SUMF1: variants seen among roughly 807,000 people sequenced by gnomAD.
SUMF1 encodes the protein formylglycine-generating enzyme.
A neutral mutation model predicts 47.6 loss-of-function variants in SUMF1; 48 were observed. The ratio of observed to expected loss-of-function variants is 1.01; its 90% CI spans 0.80 to 1.28. The LOEUF is 1.28. Ranked by LOEUF, SUMF1 falls within the 50% of genes most tolerant of loss-of-function variation. The probability of loss-of-function intolerance (pLI) is 0.00; values close to 1 mark genes in which losing one functional copy is unlikely to be tolerated. For missense variants in SUMF1, 571 were observed against 485.4 expected, an observed-to-expected ratio of 1.18 and a Z score of -1.66; for synonymous variants, 230 against 192.1, an observed-to-expected ratio of 1.20 and a Z score of -1.63.
chr3:4,222,309 C>T (rs756672429), intron 8 of SUMF1, among the ~76,000 whole-genome samples: 9 of 152,036 alleles, frequency 5.9e-5, no homozygotes, highest in Non-Finnish European at 1.2e-4. Context: ...ATACTGTGAT[C>T]ACCTGATCTT....
chr3:4,221,170 A>T (rs191042244), intron 8 of SUMF1, among the ~76,000 whole-genome samples: 2 of 152,044 alleles, frequency 1.3e-5, no homozygotes, highest in Non-Finnish European at 2.9e-5. Context: ...CACCTCTTTC[A>T]TCCTCCTACC....
chr3:4,194,496 G>A (rs561027120), intron 8 of SUMF1, among the ~76,000 whole-genome samples: 21 of 152,254 alleles, frequency 1.4e-4, no homozygotes, highest in African/African-American at 2.6e-4. Flanking sequence ...AAAGCCCACC[G>A]TCTGCCACAT....
At chr3:4,042,021 C>G (rs973273524) in intron 9 of SUMF1, among the ~76,000 whole-genome samples, 5 of 152,132 alleles carry the variant, frequency 3.3e-5, no homozygotes, top group African/African-American at 1.2e-4. Context: ...AAATAGCATT[C>G]AAAGTATACT....
intron 8 of SUMF1, among the ~76,000 whole-genome samples, chr3:4,127,228 C>T (rs901352029): frequency 1.3e-5 from 2 of 152,236 alleles, no homozygotes; most frequent in Non-Finnish European, 2.9e-5. Context: ...AAACCAAACC[C>T]AGGATTTCAT....
In SUMF1 at chr3:4,131,958, G is replaced by T. The variant is rs570859799; in HGVS notation, c.1015-63213C>A. Reference sequence around the variant, plus strand: ...ACATGGACTTTCACTCACCAAGGCCGACCTGGCTACAGCCAGTGCTGAGTG... The same window carrying T: ...ACATGGACTTTCACTCACCAAGGCCTACCTGGCTACAGCCAGTGCTGAGTG... On this transcript the variant is annotated intron_variant and NMD_transcript_variant, in intron 8 of 12. Coordinates refer to the SUMF1 transcript ENST00000448413. 2.6e-5 allele frequency among the ~76,000 whole-genome samples: 4 copies of T among 152,194 alleles called. No homozygotes were observed. The East Asian group carries it at 7.7e-4, about 29-fold the overall frequency.
intron 9 of SUMF1, among the ~76,000 whole-genome samples, chr3:4,048,837 C>T (rs1695053693): frequency 6.6e-6 from 1 of 152,102 alleles, no homozygotes. Flanking sequence ...AGGCAGGTTA[C>T]CAACCTAATT....
intron 8 of SUMF1, among the ~76,000 whole-genome samples, chr3:4,244,159 G>A (rs536785497): frequency 4.0e-4 from 61 of 152,194 alleles, no homozygotes; most frequent in Non-Finnish European, 7.2e-4. Context: ...GTGTGTCTTT[G>A]CATGTGAGAT....
intron 3 of SUMF1, among the ~76,000 whole-genome samples, chr3:4,442,257 C>CTTT (rs35480700): frequency 5.7e-5 from 8 of 140,588 alleles, no homozygotes; most frequent in Non-Finnish European, 6.2e-5. Flanking sequence ...ACCATGAACT[C>CTTT]TTTTTTTTTT....
At chr3:4,040,291 C>A (rs1694885918) in intron 9 of SUMF1, among the ~76,000 whole-genome samples, 1 of 152,096 alleles carries the variant, frequency 6.6e-6, no homozygotes, top group Non-Finnish European at 1.5e-5. Flanking sequence ...GGGAAAAGTT[C>A]TTCCCTAGGC....
At chr3:4,184,792 G>A (rs1243290902) in intron 8 of SUMF1, among the ~76,000 whole-genome samples, 1 of 151,690 alleles carries the variant, frequency 6.6e-6, no homozygotes, top group East Asian at 2.0e-4. Context: ...GGGATTACAG[G>A]CACCTGCCAC....
At chr3:4,083,898 G>A (rs1692618994) in intron 8 of SUMF1, among the ~76,000 whole-genome samples, 1 of 150,810 alleles carries the variant, frequency 6.6e-6, no homozygotes, top group Admixed American at 6.6e-5. Context: ...TTCACCAAAT[G>A]TTATCGTGTT....
chr3:4,178,669 T>C (rs1010356664), intron 8 of SUMF1, among the ~76,000 whole-genome samples: 4 of 152,258 alleles, frequency 2.6e-5, no homozygotes, highest in African/African-American at 9.6e-5. Flanking sequence ...CTATTCAACA[T>C]AGTGTTGGAA....
At chr3:4,388,061 G>A (rs1039916008) in intron 7 of SUMF1, among the ~76,000 whole-genome samples, 4 of 152,074 alleles carry the variant, frequency 2.6e-5, no homozygotes, top group Non-Finnish European at 5.9e-5. Flanking sequence ...GGTAGACAGT[G>A]CTAGAAATCT....
intron 8 of SUMF1, among the ~76,000 whole-genome samples, chr3:4,325,040 C>T (rs975042000): frequency 6.6e-6 from 1 of 152,058 alleles, no homozygotes; most frequent in African/African-American, 2.4e-5. Flanking sequence ...AAAACTCTCC[C>T]TTACAAAACC....
At chr3:4,254,097 C>A (rs1428570045) in intron 8 of SUMF1, among the ~76,000 whole-genome samples, 2 of 151,780 alleles carry the variant, frequency 1.3e-5, no homozygotes, top group African/African-American at 4.8e-5. Context: ...GACATCCACA[C>A]CGAAAACCCA....
intron 8 of SUMF1, among the ~76,000 whole-genome samples, chr3:4,291,892 A>G (rs975293585): frequency 2.7e-4 from 41 of 152,168 alleles, no homozygotes; most frequent in African/African-American, 8.9e-4. Flanking sequence ...TCTTTTGCCA[A>G]CTCTCTTCTG....
downstream of SUMF1, among the ~76,000 whole-genome samples, chr3:4,360,320 C>CTTT (rs11291635): frequency 7.4e-6 from 1 of 135,404 alleles, no homozygotes; most frequent in Non-Finnish European, 1.6e-5. Context: ...AGCTACATGA[C>CTTT]TTTTTTTTTT....
chr3:4,303,424 G>T, intron 8 of SUMF1: 1 of 1,555,010 alleles, frequency 6.4e-7, no homozygotes, highest in Non-Finnish European at 8.7e-7. Flanking sequence ...CGGAGTTTAA[G>T]GAGAAGCCTG....
At chr3:4,236,082 A>G (rs1696402434) in intron 8 of SUMF1, among the ~76,000 whole-genome samples, 1 of 152,084 alleles carries the variant, frequency 6.6e-6, no homozygotes, top group South Asian at 2.1e-4. Flanking sequence ...AGCTGGGATA[A>G]CCAGGCATGC....
Sources: allele counts gnomAD v4.1 joint callset (sites outside exome capture counted in the v4.1 genomes callset), GRCh38; gene constraint gnomAD v4.1.1; transcripts MANE v1.5; gene names NCBI Gene and HGNC (gene_info 2026-07-23, HGNC 2026-07-21).